The following ANKRD30A variants were observed in gnomAD, a reference collection of about 807,000 sequenced individuals.
The protein encoded by ANKRD30A is ankyrin repeat domain-containing protein 30A.
Under a neutral mutation model 166.3 loss-of-function variants are expected in ANKRD30A, and 170 were observed. The observed-to-expected ratio is 1.02, with a 90% CI of 0.90 to 1.16. The LOEUF (loss-of-function observed/expected upper bound fraction) is 1.16. Ranked by LOEUF, ANKRD30A falls within the 50% of genes most tolerant of loss-of-function variation. The pLI is 0.00. For synonymous variants in ANKRD30A, 564 were observed against 508.9 expected, an observed-to-expected ratio of 1.11 and a Z score of -1.46; for missense variants, 1,630 against 1,518.0, an observed-to-expected ratio of 1.07 and a Z score of -1.23.
At chr10:37,202,311 CT>C (rs1189958424) in intron 31 of ANKRD30A, among the ~76,000 whole-genome samples, 1 of 152,052 alleles carries the variant, frequency 6.6e-6, no homozygotes, top group Non-Finnish European at 1.5e-5. Context: ...TGCAATAAAA[CT>C]AGAACTCAGG....
the ANKRD30A span, among the ~76,000 whole-genome samples, chr10:37,256,157 C>CAAGTCAG: frequency 2.6e-5 from 4 of 152,216 alleles, no homozygotes; most frequent in Admixed American, 2.6e-4. Flanking sequence ...CTGACCTGCT[C>CAAGTCAG]AAGTGTCACC....
chr10:37,194,668 A>G lies in ANKRD30A; in HGVS notation c.2614+1410A>G, dbSNP rs537344784. Among the ~76,000 whole-genome samples, 12 of 152,074 alleles carry G rather than the reference A, an allele frequency of 7.9e-5. No homozygotes were observed. The South Asian group carries it at 1.9e-3, about 24-fold the overall frequency. ...CCGATGTCTGAAATTTTCAATAAAT[A>G]GTTGTACACTGTACGTATTGTCCTG... is the stretch of plus-strand genomic sequence containing the variant. On this transcript the variant is annotated intron_variant, in intron 27 of 35. Coordinates refer to ENST00000361713, the MANE Select transcript of ANKRD30A (RefSeq NM_052997.3).
rs1486527053 is a variant in ANKRD30A at position 37,214,439 on chromosome 10, C to T, written c.2870-1742C>T. On this transcript the variant is annotated intron_variant, in intron 31 of 35. Coordinates refer to ENST00000361713, the MANE Select transcript of ANKRD30A (RefSeq NM_052997.3). ...ATGATAAAAGTTTGCTGTCATCATG[C>T]TGTTTGATTTCTATTAGTTCCAGAT... 2.0e-5 allele frequency among the ~76,000 whole-genome samples: 3 copies of T among 150,970 alleles called. No individual in the cohort carries two copies. The Admixed American group carries it at 2.0e-4, about 10-fold the overall frequency.
chr10:37,225,364 C>T (rs566152138), intron 34 of ANKRD30A, among the ~76,000 whole-genome samples: 1 of 151,606 alleles, frequency 6.6e-6, no homozygotes, highest in Middle Eastern at 3.2e-3. Flanking sequence ...TAGTCTGAAA[C>T]ATTTTGACTT....
intron 17 of ANKRD30A, 110 bp from the exon 18 acceptor site, chr10:37,164,984 C>T (rs1432156602): frequency 3.4e-6 from 4 of 1,161,654 alleles, no homozygotes; most frequent in Non-Finnish European, 5.1e-6. Context: ...AACATATGGG[C>T]CACAGAGGAA....
intron 31 of ANKRD30A, among the ~76,000 whole-genome samples, chr10:37,203,570 T>G (rs1001569162): frequency 6.6e-6 from 1 of 152,128 alleles, no homozygotes; most frequent in Non-Finnish European, 1.5e-5. Flanking sequence ...CTTTGAAAAC[T>G]GGCACAAGAC....
At chr10:37,155,192 T>C (rs2132570989) in intron 13 of ANKRD30A, among the ~76,000 whole-genome samples, 1 of 152,320 alleles carries the variant, frequency 6.6e-6, no homozygotes, top group East Asian at 1.9e-4. Flanking sequence ...TTTAAAAGTC[T>C]ATTGCAACTA....
At chr10:37,210,889 G>T (rs938878164) in intron 31 of ANKRD30A, among the ~76,000 whole-genome samples, 10 of 152,010 alleles carry the variant, frequency 6.6e-5, no homozygotes, top group Non-Finnish European at 1.2e-4. Context: ...TGGATAGATT[G>T]CAAAAATTTT....
At chr10:37,167,024 G>A (rs4007138) in intron 19 of ANKRD30A, among the ~76,000 whole-genome samples, 49 of 152,142 alleles carry the variant, frequency 3.2e-4, no homozygotes, top group Non-Finnish European at 5.9e-4. Context: ...GGAACAAGAA[G>A]CAGGTTTATG....
At chr10:37,236,084 C>T (rs1403971409), downstream of ANKRD30A, among the ~76,000 whole-genome samples, 1 of 152,060 alleles carries the variant, frequency 6.6e-6, no homozygotes, top group Admixed American at 6.6e-5. Flanking sequence ...CAGTTTCTTC[C>T]AGCCCTTCCT....
intron 13 of ANKRD30A, among the ~76,000 whole-genome samples, chr10:37,156,290 A>C (rs901882818): frequency 3.9e-5 from 6 of 152,122 alleles, no homozygotes; most frequent in African/African-American, 1.4e-4. Context: ...AGCCATTACA[A>C]ATGCGGCTCA....
chr10:37,127,388 C>CT (rs1836111494), intron 1 of ANKRD30A, among the ~76,000 whole-genome samples: 1 of 151,808 alleles, frequency 6.6e-6, no homozygotes, highest in Admixed American at 6.6e-5. Flanking sequence ...TTGACAAAAC[C>CT]TTTTTAAGAA....
chr10:37,189,857 C>G (rs535524123), intron 25 of ANKRD30A, among the ~76,000 whole-genome samples: 1 of 151,096 alleles, frequency 6.6e-6, no homozygotes, highest in Non-Finnish European at 1.5e-5. Context: ...AAAGACAGAG[C>G]GTACAGAGAG....
At chr10:37,192,904 C>A (rs981727185) in intron 25 of ANKRD30A, among the ~76,000 whole-genome samples, 160 bp from the exon 26 acceptor site, 4 of 152,022 alleles carry the variant, frequency 2.6e-5, no homozygotes, top group African/African-American at 9.7e-5. Context: ...GTCACGTTGG[C>A]ATGATAACAA....
chr10:37,160,036 C>T (rs1488406990), intron 15 of ANKRD30A, among the ~76,000 whole-genome samples: 1 of 152,180 alleles, frequency 6.6e-6, no homozygotes, highest in Non-Finnish European at 1.5e-5. Flanking sequence ...GTACACTGTA[C>T]ATATTGTCCT....
intron 2 of ANKRD30A, 28 bp downstream of exon 2, chr10:37,130,035 G>C: frequency 6.9e-7 from 1 of 1,441,954 alleles, no homozygotes. Flanking sequence ...TTTTCAGCAG[G>C]AGATGGATTT....
chr10:37,227,171 T>G (rs1257381118), intron 34 of ANKRD30A, among the ~76,000 whole-genome samples: 1 of 152,024 alleles, frequency 6.6e-6, no homozygotes, highest in Non-Finnish European at 1.5e-5. Context: ...ATTCTAATGT[T>G]AATCCATATT....
At chr10:37,193,807 G>T (rs182430847) in intron 27 of ANKRD30A, among the ~76,000 whole-genome samples, 1 of 152,234 alleles carries the variant, frequency 6.6e-6, no homozygotes, top group Admixed American at 6.5e-5. Flanking sequence ...AAAGCATTTG[G>T]CCTTGGTGTC....
the ANKRD30A span, among the ~76,000 whole-genome samples, chr10:37,258,772 G>C: frequency 6.6e-6 from 1 of 151,508 alleles, no homozygotes; most frequent in Admixed American, 6.6e-5. Context: ...GACCATCCTG[G>C]CTAACAAGGT....
Sources: allele counts gnomAD v4.1 joint callset (sites outside exome capture counted in the v4.1 genomes callset), GRCh38; gene constraint gnomAD v4.1.1; transcripts MANE v1.5; gene names NCBI Gene and HGNC (gene_info 2026-07-23, HGNC 2026-07-21).